Variants in FASTK observed in about 807,000 individuals in gnomAD.
FASTK encodes the protein fas-activated serine/threonine kinase.
A neutral mutation model predicts 60.0 loss-of-function variants in FASTK; 28 were observed. That is an observed-to-expected ratio of 0.47 (90% CI 0.35 to 0.64). The LOEUF (loss-of-function observed/expected upper bound fraction) is 0.64. Among genes scored for constraint, FASTK ranks in the 30% least tolerant of loss-of-function variants. The probability of loss-of-function intolerance (pLI) is 0.01; values close to 1 mark genes in which losing one functional copy is unlikely to be tolerated. For synonymous variants in FASTK, 325 were observed against 307.9 expected (o/e 1.06, Z -0.58); for missense variants, 595 against 713.8 (o/e 0.83, Z 1.90).
Position 151,079,590 on chromosome 7 carries a change from G to C in FASTK, c.415C>G (p.Leu139Val), listed in dbSNP as rs756660939. 1.2e-6 allele frequency: 2 copies of C among 1,614,022 alleles called. No individual in the cohort carries two copies. The highest frequency in any genetic ancestry group is 1.7e-6 in the Non-Finnish European group (2 of 1,180,008). Residue 139 changes from leucine to valine, a missense_variant, in exon 2 of 10, where the codon CTG becomes GTG. By Grantham distance (32) the Leu-to-Val change is conservative. Around this residue, in one of 2 missense-constraint regions of FASTK, gnomAD observed 471 missense variants for 605.9 expected, o/e 0.78. Transcript: ENST00000297532. ...ATGATGAGCTGACTCAAGTCCTGCA[G>C]TGTGACCTGCTCCACAGGAGGGGGC... Reference protein sequence around the residue: ...PRPPPVEQVTLQDLSQLIIRN... With the variant: ...PRPPPVEQVTVQDLSQLIIRN...
chr7:151,079,158 C>T, intron 2 of FASTK, 137 bp from the exon 3 acceptor site: 1 of 738,612 alleles, frequency 1.4e-6, no homozygotes, highest in South Asian at 2.3e-5. Flanking sequence ...TAAGTGCAAA[C>T]ACTAGAGACA....
Position 151,078,011 on chromosome 7 carries a change from T to C in FASTK, c.907A>G (p.Ile303Val). The C allele has an allele frequency of 6.2e-7, 1 of 1,612,606 alleles. No homozygotes were observed. The highest frequency in any genetic ancestry group is 8.5e-7 in the Non-Finnish European group (1 of 1,178,956). Residue 303 changes from isoleucine (I) to valine (V), a missense_variant, in exon 5 of 10, where the codon ATC becomes GTC. Ile to Val is a conservative substitution (Grantham distance 29). This residue lies in a region of FASTK where 471 missense variants were observed against 605.9 expected (regional missense o/e 0.78). Coordinates refer to ENST00000297532, the MANE Select transcript of FASTK (RefSeq NM_006712.5). ...GCCACCCCTGCTTCCCGAGCCAGGA[T>C]CCTCTCAAGGCAGGGCATAAACTGC... ...EQQFMPCLER[I>V]LAREAGVAPL...
At chr7:151,079,118 GT>G in intron 2 of FASTK, 97 bp from the exon 3 acceptor site, 3 of 1,149,442 alleles carry the variant, frequency 2.6e-6, no homozygotes, top group Non-Finnish European at 3.5e-6. Context: ...CTCCTCTCCC[GT>G]TTCCTGAGCG....
intron 1 of FASTK, chr7:151,080,461 G>C (rs1797928034): frequency 1.6e-6 from 2 of 1,262,584 alleles, no homozygotes. Context: ...TGGACAAGTG[G>C]CTTCGTCTCT....
In FASTK at chr7:151,080,768, G is replaced by T. The variant is rs546249265; in HGVS notation, c.-2C>A. On this transcript the variant is annotated 5_prime_UTR_variant, in exon 1 of 10. Transcript: ENST00000297532. ...GGGTTCCCCCCGCGGCCTCCTCATC[G>T]GCTAGCCACCGAGTCCGCCATCTTC... is the stretch of plus-strand genomic sequence containing the variant. The T allele has an allele frequency of 1.6e-6, 2 of 1,286,924 alleles. No homozygotes were observed. The highest frequency in any genetic ancestry group is 8.4e-5 in the Admixed American group (2 of 23,858). The allele number at this position is 1,286,924 out of a possible 1,614,324, so 79.7% of individuals were successfully genotyped here. A position where few individuals can be genotyped will look rare whatever the true frequency, so the allele number is the denominator to read the frequency against.
intron 2 of FASTK, 55 bp from the exon 3 acceptor site, chr7:151,079,076 T>C: frequency 7.2e-7 from 1 of 1,380,780 alleles, no homozygotes; most frequent in South Asian, 1.7e-5. Context: ...GCTGTTCTTA[T>C]CATGGGGTTA....
At chr7:151,080,518 G>A in intron 1 of FASTK, 167 bp downstream of exon 1, 2 of 1,288,482 alleles carry the variant, frequency 1.6e-6, no homozygotes. Context: ...CCACCTCGCA[G>A]GGCGCGCGTG....
Position 151,079,909 on chromosome 7 carries a change from G to A in FASTK, c.96C>T (p.Pro32=), listed in dbSNP as rs749164613. 6.3e-7 allele frequency: 1 copy of A among 1,588,684 alleles called. No homozygotes were observed. Among genetic ancestry groups the A allele is most frequent in the South Asian group, 1.1e-5 (1 of 88,764 alleles). The part of the protein sequence containing the change: ...AGPGESWSPS[P]NSMLRVLLSA... The stretch of plus-strand genomic sequence containing the variant: ...AGAGCAGGACTCGAAGCATGGAGTT[G>A]GGTGATGGAGACCCTGAGGGGCAGC... The change falls in exon 2 of 10, where the codon CCC becomes CCT. Residue 32 remains proline, a synonymous_variant. Coordinates refer to ENST00000297532, the MANE Select transcript of FASTK (RefSeq NM_006712.5).
chr7:151,080,230 C>G, intron 1 of FASTK: 1 of 391,660 alleles, frequency 2.6e-6, no homozygotes, highest in Non-Finnish European at 4.6e-6. Context: ...GGTGGAGAAA[C>G]GCAGGCCCAG....
At chr7:151,078,299 G>A (rs1416225811) in intron 4 of FASTK, among the ~76,000 whole-genome samples, 1 of 152,220 alleles carries the variant, frequency 6.6e-6, no homozygotes, top group Non-Finnish European at 1.5e-5. Flanking sequence ...TCGCTGTGGG[G>A]TCTGGCCCTG....
In FASTK at chr7:151,080,738, G is replaced by A; in HGVS notation, c.29C>T (p.Pro10Leu). 9.9e-6 allele frequency: 13 copies of A among 1,316,488 alleles called. No homozygotes were observed. The highest frequency in any genetic ancestry group is 1.3e-5 in the Non-Finnish European group (13 of 1,033,432). 81.6% of individuals were successfully genotyped at this position (1,316,488 alleles called of 1,614,324 possible). The stretch of plus-strand genomic sequence containing the variant: ...TCCCTCAGTCGGTCTCGGGGCCCGG[G>A]GGCCGGGTTCCCCCCGCGGCCTCCT... MRRPRGEPG[P>L]RAPRPTEGAT... Residue 10 changes from proline to leucine, a missense_variant, in exon 1 of 10, where the codon CCC becomes CTC. Transcript: ENST00000297532.
rs755619106 is a variant in FASTK at position 151,077,912 on chromosome 7, C to G, written c.1006G>C (p.Val336Leu). The G allele has an allele frequency of 6.2e-7, 1 of 1,613,772 alleles. No homozygotes were observed. The highest frequency in any genetic ancestry group is 1.1e-5 in the South Asian group (1 of 91,082). ...TAGTTGATGAAGCCAGGGGAAAAAA[C>G]AAAGTGCAGGGCTCTGAAGGGCAGG... ...RCLPFRALHF[V>L]FSPGFINYIS... The change falls in exon 5 of 10, where the codon GTT (valine) becomes CTT (leucine). Residue 336 changes from valine to leucine, a missense_variant. Val to Leu is a conservative substitution (Grantham distance 32). Coordinates refer to ENST00000297532, the MANE Select transcript of FASTK (RefSeq NM_006712.5).
rs200553873 is a variant in FASTK at position 151,076,891 on chromosome 7, G to A, written c.1542+22C>T. On this transcript the variant is annotated intron_variant, in intron 9 of 9. Transcript: ENST00000297532. The stretch of plus-strand genomic sequence containing the variant: ...CAGGCTGGGAGTGAGGATGCGCCAC[G>A]GGCCAGGCCAGGGCCACTCACCGGC... 97 of 1,600,032 alleles carry A rather than the reference G, an allele frequency of 6.1e-5. No homozygotes were observed. In the African/African-American group the frequency reaches 1.1e-3, roughly 18 times the overall value.
At position 151,076,865 on chromosome 7, in the gene FASTK, G is replaced by A. The variant is rs370608397; in HGVS notation, c.1543-33C>T. ...GAGAGGAGAGGGCGGCAGGTTACCC[G>A]CAGGCTGGGAGTGAGGATGCGCCAC... On this transcript the variant is annotated intron_variant, in intron 9 of 9. Coordinates refer to ENST00000297532, the MANE Select transcript of FASTK (RefSeq NM_006712.5). The A allele has an allele frequency of 4.7e-4, 759 of 1,598,764 alleles. 7 individuals are homozygous for A. Among genetic ancestry groups the A allele is most frequent in the East Asian group, 2.1e-3 (93 of 44,520 alleles).
At chr7:151,079,411 G>A in intron 2 of FASTK, 89 bp downstream of exon 2, 1 of 1,299,518 alleles carries the variant, frequency 7.7e-7, no homozygotes, top group Non-Finnish European at 1.0e-6. Flanking sequence ...CGCCTGAGAG[G>A]CTGGGTCTCT....
chr7:151,078,773 C>T, intron 3 of FASTK, 69 bp downstream of exon 3: 5 of 1,609,460 alleles, frequency 3.1e-6, no homozygotes, highest in Non-Finnish European at 4.2e-6. Flanking sequence ...TCAGCCCAGC[C>T]AACTGAGCCC....
chr7:151,078,792 C>T (rs754043247), intron 3 of FASTK, 50 bp downstream of exon 3: 6 of 1,609,050 alleles, frequency 3.7e-6, no homozygotes, highest in Non-Finnish European at 5.1e-6. Context: ...CCACCTTCCT[C>T]CTCCTGTCAG....
chr7:151,077,936 G>A lies in FASTK; in HGVS notation c.982C>T (p.Leu328=), dbSNP rs778538685. 2 of 1,613,942 alleles carry A rather than the reference G, an allele frequency of 1.2e-6. No individual in the cohort carries two copies. Among genetic ancestry groups the A allele is most frequent in the Admixed American group, 3.3e-5 (2 of 60,028 alleles). Residue 328 remains leucine (L), a synonymous_variant, in exon 5 of 10, where the codon CTG becomes TTG. Transcript: ENST00000297532. ...ILMSLCQLRC[L]PFRALHFVFS... is the part of the protein sequence containing the mutation. ...ACAAAGTGCAGGGCTCTGAAGGGCA[G>A]GCACCGCAGTTGGCACAGTGACATC... is the stretch of plus-strand genomic sequence containing the variant.
intron 6 of FASTK, 81 bp downstream of exon 6, chr7:151,077,540 G>T: frequency 6.6e-7 from 1 of 1,506,604 alleles, no homozygotes; most frequent in Non-Finnish European, 9.0e-7. Context: ...CCTTAGCTTT[G>T]GCGCTTCATG....
Sources: gnomAD v4.1 joint callset for allele counts (sites outside exome capture counted in the v4.1 genomes callset) on GRCh38, gnomAD v4.1.1 for gene constraint, gnomAD v4.1.1 regional missense constraint, MANE v1.5 for transcripts, NCBI Gene and HGNC (gene_info 2026-07-23, HGNC 2026-07-21) for gene names.